SLC25A37: variants seen among roughly 807,000 people sequenced by gnomAD.
The protein encoded by SLC25A37 is mitoferrin-1.
A neutral mutation model predicts 31.0 loss-of-function variants in SLC25A37; 17 were observed. The ratio of observed to expected loss-of-function variants is 0.55; its 90% CI spans 0.38 to 0.82. The LOEUF (loss-of-function observed/expected upper bound fraction) is 0.82. Ranked by LOEUF, SLC25A37 falls within the 40% of genes least tolerant of loss-of-function variation. The pLI is 0.00. For missense variants in SLC25A37, 404 were observed against 465.8 expected, an observed-to-expected ratio of 0.87 and a Z score of 1.22; for synonymous variants, 222 against 193.0, an observed-to-expected ratio of 1.15 and a Z score of -1.24.
chr8:23,537,394 C>T (rs183567986), intron 1 of SLC25A37, among the ~76,000 whole-genome samples: 2 of 152,248 alleles, frequency 1.3e-5, no homozygotes, highest in East Asian at 3.9e-4. Context: ...AGAATGTAGG[C>T]CCCAAGTGGG....
rs537175266 is a variant in SLC25A37 at position 23,575,317 on chromosome 8, C to G, written c.*3462C>G. 1 of 152,248 alleles carries G rather than the reference C, an allele frequency of 6.6e-6. No homozygotes were observed. The highest frequency in any genetic ancestry group is 2.4e-5 in the African/African-American group (1 of 41,540). 9.4% of individuals were successfully genotyped at this position (152,248 alleles called of 1,614,324 possible). A position where few individuals can be genotyped will look rare whatever the true frequency, so the allele number is the denominator to read the frequency against. On this transcript the variant is annotated 3_prime_UTR_variant, in exon 4 of 4. Coordinates refer to ENST00000519973, the MANE Select transcript of SLC25A37 (RefSeq NM_016612.4). Reference sequence around the variant, plus strand: ...GTTATTTCTTAAATTTCTCAAATGCCTGTAGTAACTATTGTTTCTGCCTCT... The same window carrying G: ...GTTATTTCTTAAATTTCTCAAATGCGTGTAGTAACTATTGTTTCTGCCTCT...
At chr8:23,548,794 A>C (rs1253018933) in intron 1 of SLC25A37, among the ~76,000 whole-genome samples, 1 of 152,170 alleles carries the variant, frequency 6.6e-6, no homozygotes, top group South Asian at 2.1e-4. Context: ...AGGACCATAT[A>C]GATGGAAACA....
chr8:23,561,839 A>G (rs1802523645), intron 1 of SLC25A37, among the ~76,000 whole-genome samples: 2 of 152,194 alleles, frequency 1.3e-5, no homozygotes, highest in African/African-American at 4.8e-5. Context: ...GGTATTTTCA[A>G]ACATTTCCCG....
chr8:23,553,568 T>C (rs1802285272), intron 1 of SLC25A37, among the ~76,000 whole-genome samples: 1 of 152,238 alleles, frequency 6.6e-6, no homozygotes, highest in Non-Finnish European at 1.5e-5. Flanking sequence ...TCTAGCTTAC[T>C]AGCAGTGAAT....
intron 1 of SLC25A37, among the ~76,000 whole-genome samples, chr8:23,561,378 A>G (rs553933083): frequency 2.0e-5 from 3 of 152,312 alleles, no homozygotes; most frequent in South Asian, 2.1e-4. Flanking sequence ...CCAGCCTCCA[A>G]CTGGCTGACA....
intron 1 of SLC25A37, among the ~76,000 whole-genome samples, chr8:23,536,743 C>G (rs989099843): frequency 1.3e-5 from 2 of 152,218 alleles, no homozygotes; most frequent in African/African-American, 2.4e-5. Context: ...ATCAGCTTTT[C>G]TCCCACTGCT....
At chr8:23,565,122 G>A (rs1326013871) in intron 1 of SLC25A37, among the ~76,000 whole-genome samples, 4 of 152,152 alleles carry the variant, frequency 2.6e-5, no homozygotes, top group Admixed American at 2.6e-4. Context: ...TTTTTCTCAC[G>A]AGGCCTTCAG....
At chr8:23,547,252 C>A (rs775479110) in intron 1 of SLC25A37, among the ~76,000 whole-genome samples, 3 of 152,118 alleles carry the variant, frequency 2.0e-5, no homozygotes, top group Non-Finnish European at 2.9e-5. Flanking sequence ...CCACAGAGAA[C>A]ATTTGTCAAT....
intron 1 of SLC25A37, among the ~76,000 whole-genome samples, chr8:23,545,322 T>G (rs1802006680): frequency 6.6e-6 from 1 of 152,214 alleles, no homozygotes; most frequent in African/African-American, 2.4e-5. Context: ...CTCTCTTTCC[T>G]TGTAGCCTTC....
Position 23,528,958 on chromosome 8 carries a change from C to T in SLC25A37, c.-45C>T, listed in dbSNP as rs768123244. ...AGTGAAGTTTTGCGCCCCTCCCCCT[C>T]CCTGCCCACCTCCTGCAGCCTCCTG... On this transcript the variant is annotated 5_prime_UTR_variant, in exon 1 of 4. Coordinates refer to ENST00000519973, the MANE Select transcript of SLC25A37 (RefSeq NM_016612.4). The T allele has an allele frequency of 3.9e-5, 55 of 1,402,794 alleles. No individual in the cohort carries two copies. Among genetic ancestry groups the T allele is most frequent in the Non-Finnish European group, 5.0e-5 (54 of 1,074,960 alleles). The allele number at this position is 1,402,794 out of a possible 1,614,324, so 86.9% of individuals were successfully genotyped here.
In SLC25A37 at chr8:23,529,308, C is replaced by G. The variant is rs549618151; in HGVS notation, c.210+96C>G. On this transcript the variant is annotated intron_variant, in intron 1 of 3. Transcript: ENST00000519973. This position sits in a 1 kb window ranked among gnomAD's most constrained non-coding sequence, Gnocchi z 4.1. ...CGCCGGCAGCCTCGGGGCAGCGTCCCGAAACCGAGCTCTCCCCAGGACCGC... is the reference window on the plus strand; with the variant it reads ...CGCCGGCAGCCTCGGGGCAGCGTCCGGAAACCGAGCTCTCCCCAGGACCGC... 552 of 1,245,190 alleles carry G rather than the reference C, an allele frequency of 4.4e-4. 5 individuals carry two copies. The South Asian group carries it at 7.7e-3, about 17-fold the overall frequency. 77.1% of individuals were successfully genotyped at this position (1,245,190 alleles called of 1,614,324 possible). A position where few individuals can be genotyped will look rare whatever the true frequency, so the allele number is the denominator to read the frequency against.
In SLC25A37 at chr8:23,574,783, T is replaced by C. The variant is rs1039418310; in HGVS notation, c.*2928T>C. ...AGGAAGAGGCCTCCCCACCCCACTA[T>C]CCCACCCTGGTGACCAATTCAGTGT... On this transcript the variant is annotated 3_prime_UTR_variant, in exon 4 of 4. Coordinates refer to ENST00000519973, the MANE Select transcript of SLC25A37 (RefSeq NM_016612.4). The C allele has an allele frequency of 4.5e-5, 7 of 153,966 alleles. No individual in the cohort carries two copies. Among genetic ancestry groups the C allele is most frequent in the Admixed American group, 4.0e-4 (6 of 15,170 alleles). The allele number at this position is 153,966 out of a possible 1,614,324, so 9.5% of individuals were successfully genotyped here.
At chr8:23,544,045 C>A (rs2928676) in intron 1 of SLC25A37, among the ~76,000 whole-genome samples, 146,226 of 152,026 alleles carry the variant, frequency 0.96, 70,614 homozygotes, top group Middle Eastern at 1. Context: ...TTTTTAGTAG[C>A]GATGGGGTTT....
intron 1 of SLC25A37, among the ~76,000 whole-genome samples, chr8:23,552,361 A>T (rs1316823584): frequency 6.6e-6 from 1 of 152,240 alleles, no homozygotes; most frequent in African/African-American, 2.4e-5. Flanking sequence ...AGTTCAGGGA[A>T]GTTAAGTTAC....
Position 23,559,523 on chromosome 8 carries a change from T to C in SLC25A37, c.211-6585T>C, listed in dbSNP as rs143538832. Among the ~76,000 whole-genome samples the C allele has an allele frequency of 3.9e-5, 6 of 152,354 alleles. No homozygotes were observed. The East Asian group carries it at 9.6e-4, about 24-fold the overall frequency. ...CAAAATTTCTCATCTTACCCATTTT[T>C]AAGCATACAGTCCAGCGGCATTAAG... On this transcript the variant is annotated intron_variant, in intron 1 of 3. Coordinates refer to ENST00000519973, the MANE Select transcript of SLC25A37 (RefSeq NM_016612.4).
At chr8:23,540,804 G>A (rs1801874024) in intron 1 of SLC25A37, among the ~76,000 whole-genome samples, 1 of 152,168 alleles carries the variant, frequency 6.6e-6, no homozygotes, top group Non-Finnish European at 1.5e-5. Flanking sequence ...GAGGGGTAAC[G>A]GTGCCCATCC....
At position 23,531,436 on chromosome 8, in the gene SLC25A37, G is replaced by A. The variant is rs182464100; in HGVS notation, c.210+2224G>A. On this transcript the variant is annotated intron_variant, in intron 1 of 3. Coordinates refer to ENST00000519973, the MANE Select transcript of SLC25A37 (RefSeq NM_016612.4). ...CTTAGTTTTGTCACTATAAAGTGGG[G>A]ACAGTGGACCTGCTCAGTCCCTCTC... Among the ~76,000 whole-genome samples, 370 of 152,342 alleles carry A rather than the reference G, an allele frequency of 2.4e-3. 5 individuals carry two copies. The highest frequency in any genetic ancestry group is 8.4e-3 in the African/African-American group (348 of 41,580).
intron 1 of SLC25A37, among the ~76,000 whole-genome samples, chr8:23,554,010 T>C (rs1802298591): frequency 6.6e-6 from 1 of 151,674 alleles, no homozygotes; most frequent in Non-Finnish European, 1.5e-5. Context: ...AAAGGGAAGT[T>C]GAAGATCACC....
At position 23,529,236 on chromosome 8, in the gene SLC25A37, G is replaced by T. The variant is rs770289567; in HGVS notation, c.210+24G>T. On this transcript the variant is annotated intron_variant, in intron 1 of 3. Coordinates refer to ENST00000519973, the MANE Select transcript of SLC25A37 (RefSeq NM_016612.4). This position sits in a 1 kb window ranked among gnomAD's most constrained non-coding sequence, Gnocchi z 4.1. ...AGGTGAGGCGCGGGGAGACTTCGGG[G>T]ACGCAACGAGCGGAGAAGGAGCGCG... 6.3e-7 allele frequency: 1 copy of T among 1,595,008 alleles called. No individual in the cohort carries two copies. The highest frequency in any genetic ancestry group is 1.7e-5 in the Admixed American group (1 of 58,000).
Sources: gnomAD v4.1 joint callset for allele counts (sites outside exome capture counted in the v4.1 genomes callset) on GRCh38, gnomAD v4.1.1 for gene constraint, Gnocchi (gnomAD v3.1) non-coding constraint, MANE v1.5 for transcripts, NCBI Gene and HGNC (gene_info 2026-07-23, HGNC 2026-07-21) for gene names.